SPRED2: variants seen among roughly 807,000 people sequenced by gnomAD.
SPRED2 encodes the protein sprouty related EVH1 domain containing 2.
SPRED2 carries 47 observed loss-of-function variants against 43.0 expected under a neutral mutation model. The ratio of observed to expected loss-of-function variants is 1.09; its 90% CI spans 0.87 to 1.40. SPRED2 has a LOEUF of 1.40. Among genes scored for constraint, SPRED2 ranks in the 40% most tolerant of loss-of-function variants. SPRED2 has a pLI of 0.00. For synonymous variants in SPRED2, 225 were observed against 225.7 expected, an observed-to-expected ratio of 1.00 and a Z score of 0.03; for missense variants, 561 against 586.4, an observed-to-expected ratio of 0.96 and a Z score of 0.45.
At chr2:65,332,236 TGC>T (rs1558654894) in intron 3 of SPRED2, 185 bp from the exon 4 acceptor site, 2 of 454,010 alleles carry the variant, frequency 4.4e-6, no homozygotes, top group East Asian at 8.0e-5. Flanking sequence ...CTTGCCAGGA[TGC>T]TCCCTAAATT....
chr2:65,374,285 A>G (rs1380402933), intron 1 of SPRED2, among the ~76,000 whole-genome samples: 6 of 152,228 alleles, frequency 3.9e-5, no homozygotes, highest in Admixed American at 3.9e-4. Context: ...CTGGAATTCT[A>G]AACTGGACTT....
intron 1 of SPRED2, among the ~76,000 whole-genome samples, chr2:65,354,324 C>T (rs75000012): frequency 0.044 from 6,643 of 152,278 alleles, 525 homozygotes; most frequent in African/African-American, 0.15. Flanking sequence ...GTGATACCCA[C>T]GGCATTAGCA....
At chr2:65,345,259 G>T (rs13007821) in intron 1 of SPRED2, among the ~76,000 whole-genome samples, 17 of 111,372 alleles carry the variant, frequency 1.5e-4, no homozygotes, top group South Asian at 7.6e-4. Flanking sequence ...TTTAGTTGTT[G>T]TTTTTTTTTT....
chr2:65,416,779 C>T (rs1676285101), intron 1 of SPRED2, among the ~76,000 whole-genome samples: 1 of 152,104 alleles, frequency 6.6e-6, no homozygotes, highest in African/African-American at 2.4e-5. Context: ...ACCTTGGGCT[C>T]TCCGGATACT....
chr2:65,419,350 C>G (rs190205073), intron 1 of SPRED2, among the ~76,000 whole-genome samples: 4 of 152,196 alleles, frequency 2.6e-5, no homozygotes, highest in African/African-American at 4.8e-5. Context: ...TAACTCCCCC[C>G]ATCCAACTCC....
chr2:65,344,716 T>C lies in SPRED2; in HGVS notation c.204+3A>G, dbSNP rs1328915355. ...AACCCACGAGTTGTATGTCTGCCAT[T>C]ACCAGTTTGTCTTTCTGTCGTTCAC... is the stretch of plus-strand genomic sequence containing the variant. On this transcript the variant is annotated splice_donor_region_variant and intron_variant, in intron 2 of 5. Transcript: ENST00000356388. 1 of 1,613,686 alleles carries C rather than the reference T, an allele frequency of 6.2e-7. No homozygotes were observed. The highest frequency in any genetic ancestry group is 8.5e-7 in the Non-Finnish European group (1 of 1,179,674).
chr2:65,361,590 G>C (rs1451205512), intron 1 of SPRED2, among the ~76,000 whole-genome samples: 1 of 152,164 alleles, frequency 6.6e-6, no homozygotes, highest in African/African-American at 2.4e-5. Flanking sequence ...CAGTTGTAAA[G>C]ATTAAACACA....
At chr2:65,350,282 G>A (rs575667745) in intron 1 of SPRED2, among the ~76,000 whole-genome samples, 1 of 152,224 alleles carries the variant, frequency 6.6e-6, no homozygotes, top group African/African-American at 2.4e-5. Flanking sequence ...AACTGCTGCT[G>A]GTATGCCTTA....
chr2:65,315,982 A>G (rs1404880267), intron 5 of SPRED2, among the ~76,000 whole-genome samples: 1 of 152,270 alleles, frequency 6.6e-6, no homozygotes, highest in African/African-American at 2.4e-5. Context: ...TAAATAGGAC[A>G]TTTTAATCCC....
At chr2:65,339,764 C>T (rs1354311953) in intron 2 of SPRED2, among the ~76,000 whole-genome samples, 3 of 147,794 alleles carry the variant, frequency 2.0e-5, no homozygotes, top group Non-Finnish European at 3.0e-5. Flanking sequence ...GAAAGATAAA[C>T]CAGTGGGTGG....
chr2:65,334,390 T>C, intron 3 of SPRED2: 1 of 637,444 alleles, frequency 1.6e-6, no homozygotes, highest in African/African-American at 1.8e-5. Context: ...TAAAAATCAA[T>C]TGGGATTACT....
intron 5 of SPRED2, among the ~76,000 whole-genome samples, chr2:65,316,398 G>C (rs914414835): frequency 1.3e-5 from 2 of 152,196 alleles, no homozygotes; most frequent in Non-Finnish European, 2.9e-5. Flanking sequence ...GAACAGGCTT[G>C]GATTTGAATC....
chr2:65,428,007 A>G (rs751385493), intron 1 of SPRED2, among the ~76,000 whole-genome samples: 5 of 152,242 alleles, frequency 3.3e-5, no homozygotes, highest in Non-Finnish European at 5.9e-5. Flanking sequence ...TAAGAAGACT[A>G]AATGAATAAA....
chr2:65,345,997 C>T (rs1325509122), intron 1 of SPRED2, among the ~76,000 whole-genome samples: 2 of 152,122 alleles, frequency 1.3e-5, no homozygotes, highest in African/African-American at 2.4e-5. Flanking sequence ...CATATATTTG[C>T]GTGTTGTATA....
intron 1 of SPRED2, among the ~76,000 whole-genome samples, chr2:65,418,640 G>A (rs10166362): frequency 0.43 from 64,610 of 151,362 alleles, 14,342 homozygotes; most frequent in African/African-American, 0.54. Flanking sequence ...TGCAACCTCC[G>A]TCTCCTGGGT....
In SPRED2 at chr2:65,311,381, A is replaced by G; in HGVS notation, c.*2120T>C. On this transcript the variant is annotated 3_prime_UTR_variant, in exon 6 of 6. Transcript: ENST00000356388. ...AACTCTTAAAAGGGTGGAAAAGGAC[A>G]AGGGGTGAAAGAAGAGAGAAACAGG... 2 of 985,920 alleles carry G rather than the reference A, an allele frequency of 2.0e-6. No individual in the cohort carries two copies. Among genetic ancestry groups the G allele is most frequent in the Non-Finnish European group, 2.4e-6 (2 of 829,942 alleles). The allele number at this position is 985,920 out of a possible 1,614,324, so 61.1% of individuals were successfully genotyped here.
At chr2:65,348,579 GATAA>G (rs1674418007) in intron 1 of SPRED2, among the ~76,000 whole-genome samples, 1 of 152,036 alleles carries the variant, frequency 6.6e-6, no homozygotes, top group African/African-American at 2.4e-5. Flanking sequence ...GAAGTGGGCG[GATAA>G]CCTGAGGTCA....
chr2:65,308,614 T>G, downstream of SPRED2: 1 of 972,028 alleles, frequency 1.0e-6, no homozygotes, highest in Non-Finnish European at 1.2e-6. Flanking sequence ...CTAGCATTTT[T>G]GGGGCACCTG....
At chr2:65,399,003 G>T (rs1382591290) in intron 1 of SPRED2, among the ~76,000 whole-genome samples, 1 of 152,196 alleles carries the variant, frequency 6.6e-6, no homozygotes, top group Admixed American at 6.5e-5. Flanking sequence ...GTATAGCTGG[G>T]CGCGGTGGCT....
Sources: allele counts gnomAD v4.1 joint callset (sites outside exome capture counted in the v4.1 genomes callset), GRCh38; gene constraint gnomAD v4.1.1; transcripts MANE v1.5; gene names NCBI Gene and HGNC (gene_info 2026-07-23, HGNC 2026-07-21).